Variants in FGD5 observed in about 807,000 individuals in gnomAD.
FGD5 encodes FYVE, RhoGEF and PH domain-containing protein 5.
FGD5 carries 28 observed loss-of-function variants against 133.4 expected under a neutral mutation model. The ratio of observed to expected loss-of-function variants is 0.21; its 90% CI spans 0.16 to 0.29. The LOEUF (loss-of-function observed/expected upper bound fraction) is 0.29. Ranked by LOEUF, FGD5 falls within the 10% of genes least tolerant of loss-of-function variation. The pLI is 1.00. For synonymous variants in FGD5, 810 were observed against 776.5 expected (o/e 1.04, Z -0.72); for missense variants, 1,858 against 1,895.2 (o/e 0.98, Z 0.36).
intron 11 of FGD5, 40 bp downstream of exon 11, chr3:14,910,969 A>T (rs1352548233): frequency 1.3e-6 from 2 of 1,584,548 alleles, no homozygotes; most frequent in Non-Finnish European, 1.7e-6. Context: ...GGAACTGCCA[A>T]GTTCTATGAG....
At chr3:14,901,126 G>A in intron 9 of FGD5, 65 bp downstream of exon 9, 1 of 1,565,960 alleles carries the variant, frequency 6.4e-7, no homozygotes, top group South Asian at 1.1e-5. Context: ...ACCAGCTCCG[G>A]TCAGCCTTCT....
chr3:14,818,845 A>G (rs1402546400), upstream of FGD5: 3 of 1,228,562 alleles, frequency 2.4e-6, no homozygotes, highest in Non-Finnish European at 3.2e-6. Context: ...TGGGCTTCAC[A>G]TGGATGGACG....
chr3:14,819,393 G>A lies in FGD5; in HGVS notation c.322G>A (p.Ala108Thr). 2 of 1,549,664 alleles carry A rather than the reference G, an allele frequency of 1.3e-6. No individual in the cohort carries two copies. Among genetic ancestry groups the A allele is most frequent in the Non-Finnish European group, 1.7e-6 (2 of 1,146,298 alleles). ...AGAGGAGCGTGAAGAGGGAGGCGAG[G>A]CATGTGGCCTGGAGGGTACAGGAGC... ...EEEEREEGGE[A>T]CGLEGTGAGE... Residue 108 changes from alanine to threonine, a missense_variant, in exon 1 of 20, where the codon GCA becomes ACA. Transcript: ENST00000285046. This position sits in a 1 kb window ranked among gnomAD's most constrained non-coding sequence, Gnocchi z 4.1.
At chr3:14,864,292 C>T (rs376962650) in intron 2 of FGD5, 32 bp downstream of exon 2, 9 of 1,613,154 alleles carry the variant, frequency 5.6e-6, no homozygotes, top group African/African-American at 2.7e-5. Context: ...CCGTGGGCAT[C>T]GGAGACGTGA....
In FGD5 at chr3:14,923,037, G is replaced by C. The variant is rs2038718669; in HGVS notation, c.3808-9G>C. ...AGAGGGGTGAGAATCTTCCCACCTG[G>C]GCCTGCAGATCGTGTGCCGGAACTG... On this transcript the variant is annotated splice_polypyrimidine_tract_variant and intron_variant, in intron 15 of 19. Transcript: ENST00000285046. 1 of 1,613,650 alleles carries C rather than the reference G, an allele frequency of 6.2e-7. No homozygotes were observed. The highest frequency in any genetic ancestry group is 1.3e-5 in the African/African-American group (1 of 74,872).
intron 1 of FGD5, among the ~76,000 whole-genome samples, chr3:14,843,701 TTTGG>T (rs1559476858): frequency 1.4e-5 from 2 of 142,238 alleles, no homozygotes; most frequent in Non-Finnish European, 3.0e-5. Flanking sequence ...TTTTTTTTTT[TTTGG>T]GGGGAGACAG....
chr3:14,927,566 C>T (rs1400107489), intron 18 of FGD5, among the ~76,000 whole-genome samples: 4 of 152,024 alleles, frequency 2.6e-5, no homozygotes, highest in African/African-American at 7.3e-5. Context: ...CCTGTTCCAG[C>T]GATGGAATAA....
At chr3:14,843,361 G>A (rs1236395299) in intron 1 of FGD5, among the ~76,000 whole-genome samples, 1 of 152,162 alleles carries the variant, frequency 6.6e-6, no homozygotes, top group East Asian at 1.9e-4. Flanking sequence ...GGAAAGTCAA[G>A]GCTGATGTGC....
At chr3:14,866,490 A>G (rs1186915627) in intron 2 of FGD5, among the ~76,000 whole-genome samples, 2 of 152,144 alleles carry the variant, frequency 1.3e-5, no homozygotes, top group Non-Finnish European at 2.9e-5. Context: ...AGCAAGAGGT[A>G]GAGCAGCCTA....
intron 11 of FGD5, among the ~76,000 whole-genome samples, chr3:14,916,303 T>G (rs2038552395): frequency 6.6e-6 from 1 of 152,224 alleles, no homozygotes; most frequent in Non-Finnish European, 1.5e-5. Context: ...TTTACAACCC[T>G]GAGCGTGATG....
In FGD5 at chr3:14,861,802, G is replaced by T. The variant is rs1158643139; in HGVS notation, c.2526-2326G>T. Among the ~76,000 whole-genome samples, 9 of 152,298 alleles carry T rather than the reference G, an allele frequency of 5.9e-5. No individual in the cohort carries two copies. The South Asian group carries it at 1.7e-3, about 28-fold the overall frequency. The stretch of plus-strand genomic sequence containing the variant: ...ACCTTGCCCTCCCCAGGTCCCGCAG[G>T]CTTGCTGGACAGGCTGAGCTCTTGG... On this transcript the variant is annotated intron_variant, in intron 1 of 19. Transcript: ENST00000285046.
At chr3:14,911,913 T>C (rs2038456587) in intron 11 of FGD5, among the ~76,000 whole-genome samples, 1 of 151,160 alleles carries the variant, frequency 6.6e-6, no homozygotes, top group Non-Finnish European at 1.5e-5. Flanking sequence ...GTTTCATATG[T>C]TTTCTGAAGA....
chr3:14,904,346 CATT>C (rs2038297223), intron 9 of FGD5, among the ~76,000 whole-genome samples: 1 of 152,190 alleles, frequency 6.6e-6, no homozygotes, highest in Non-Finnish European at 1.5e-5. Context: ...TGTATCTAGT[CATT>C]ATATATAAAG....
At chr3:14,864,028 T>C (rs1481444776) in intron 1 of FGD5, 100 bp from the exon 2 acceptor site, 13 of 1,521,750 alleles carry the variant, frequency 8.5e-6, no homozygotes, top group Non-Finnish European at 1.2e-5. Context: ...GTCTTACTAC[T>C]TGTTTTCTGT....
chr3:14,819,192 T>A lies in FGD5; in HGVS notation c.121T>A (p.Cys41Ser). The A allele has an allele frequency of 6.4e-7, 1 of 1,551,038 alleles. No homozygotes were observed. Among genetic ancestry groups the A allele is most frequent in the Non-Finnish European group, 8.7e-7 (1 of 1,146,820 alleles). ...LNKCSNGRLP[C>S]VDRGLDEGPR... Reference sequence around the variant, plus strand: ...CAAATGCAGCAACGGGCGGCTGCCCTGTGTAGACAGGGGGCTTGATGAGGG... The same window carrying A: ...CAAATGCAGCAACGGGCGGCTGCCCAGTGTAGACAGGGGGCTTGATGAGGG... Residue 41 changes from cysteine to serine, a missense_variant, in exon 1 of 20, where the codon TGT (cysteine) becomes AGT (serine). Cys to Ser is a moderately radical substitution (Grantham distance 112, BLOSUM62 -1). This residue lies in a region of FGD5 where 1,824 missense variants were observed against 1,848.9 expected (regional missense o/e 0.99). Coordinates refer to ENST00000285046, the MANE Select transcript of FGD5 (RefSeq NM_152536.4). This position sits in a 1 kb window ranked among gnomAD's most constrained non-coding sequence, Gnocchi z 4.1.
chr3:14,856,936 A>G (rs1213681738), intron 1 of FGD5, among the ~76,000 whole-genome samples: 1 of 152,150 alleles, frequency 6.6e-6, no homozygotes, highest in Non-Finnish European at 1.5e-5. Flanking sequence ...AATGGTGGTG[A>G]GAGTGGACAC....
At position 14,904,986 on chromosome 3, in the gene FGD5, AT is replaced by A. The variant is rs913054474; in HGVS notation, c.3265-2645del. 1.0e-3 allele frequency among the ~76,000 whole-genome samples: 155 copies of A among 150,814 alleles called. 1 individual carries two copies. Among genetic ancestry groups the A allele is most frequent in the African/African-American group, 2.9e-3 (120 of 41,128 alleles). ...ATTTTTATTTTATTGTATTTTATGT[AT>A]TTTTTTTTACCATGAGTTTTTACCA... On this transcript the variant is annotated intron_variant, in intron 9 of 19. Coordinates refer to ENST00000285046, the MANE Select transcript of FGD5 (RefSeq NM_152536.4).
rs976507707 is a variant in FGD5, at chr3:14,922,886, C to G, written c.3808-160C>G. Among the ~76,000 whole-genome samples, 1 of 152,054 alleles carries G rather than the reference C, an allele frequency of 6.6e-6. No homozygotes were observed. The highest frequency in any genetic ancestry group is 1.5e-5 in the Non-Finnish European group (1 of 68,012). On this transcript the variant is annotated intron_variant, in intron 15 of 19. Coordinates refer to ENST00000285046, the MANE Select transcript of FGD5 (RefSeq NM_152536.4). The surrounding 1 kb of genome is among the most constrained non-coding windows in gnomAD (Gnocchi z 4.1). ...GCGCTGGCTCAGAAACAAGATGAAG[C>G]CTTGCCGGAAAAGTAGGGGACACGC...
intron 1 of FGD5, among the ~76,000 whole-genome samples, chr3:14,839,882 G>A (rs1575199974): frequency 6.6e-6 from 1 of 152,146 alleles, no homozygotes; most frequent in African/African-American, 2.4e-5. Context: ...GCAGTCAGTC[G>A]AGATCGCGCC....
Sources: allele counts gnomAD v4.1 joint callset (sites outside exome capture counted in the v4.1 genomes callset), GRCh38; gene constraint gnomAD v4.1.1; regional missense constraint gnomAD v4.1.1; non-coding constraint Gnocchi (gnomAD v3.1); transcripts MANE v1.5; gene names NCBI Gene and HGNC (gene_info 2026-07-23, HGNC 2026-07-21).